Variants in RSPH14 observed in about 807,000 individuals in gnomAD.
RSPH14 encodes rhabdoid tumor deletion region gene 1.
In RSPH14, 20 loss-of-function variants were observed where a neutral mutation model predicts 26.7. The observed-to-expected ratio is 0.75, with a 90% CI of 0.53 to 1.09. The LOEUF (loss-of-function observed/expected upper bound fraction) is 1.09. Among genes scored for constraint, RSPH14 ranks in the 50% least tolerant of loss-of-function variants. RSPH14 has a pLI of 0.00. For missense variants in RSPH14, 449 were observed against 457.2 expected, an observed-to-expected ratio of 0.98 and a Z score of 0.16; for synonymous variants, 177 against 189.3, an observed-to-expected ratio of 0.93 and a Z score of 0.53.
the RSPH14 span, among the ~76,000 whole-genome samples, chr22:23,177,378 A>G: frequency 6.6e-6 from 1 of 152,156 alleles, no homozygotes; most frequent in Non-Finnish European, 1.5e-5. Flanking sequence ...CCTCCAGGCC[A>G]TGCACACATC....
intron 4 of RSPH14, among the ~76,000 whole-genome samples, chr22:23,129,396 G>A (rs926909440): frequency 3.9e-5 from 6 of 152,130 alleles, no homozygotes; most frequent in Admixed American, 6.5e-5. Context: ...GCTTCTGTTC[G>A]TGAGCTTGTC....
intron 4 of RSPH14, among the ~76,000 whole-genome samples, chr22:23,086,088 G>A (rs1275585567): frequency 2.0e-5 from 3 of 152,246 alleles, no homozygotes; most frequent in Non-Finnish European, 4.4e-5. Context: ...TACGGCGGGT[G>A]ACCCTGGCTT....
upstream of RSPH14, chr22:23,145,410 C>T (rs954663555): frequency 6.2e-7 from 1 of 1,610,064 alleles, no homozygotes; most frequent in African/African-American, 1.3e-5. Flanking sequence ...GCGCCGCTGC[C>T]AGTCCAACGC....
At chr22:23,087,389 G>C (rs976345491) in intron 4 of RSPH14, among the ~76,000 whole-genome samples, 2 of 152,138 alleles carry the variant, frequency 1.3e-5, no homozygotes, top group African/African-American at 2.4e-5. Flanking sequence ...GCTTGAGCCC[G>C]GGGGGTTGAG....
the RSPH14 span, chr22:23,156,021 G>A: frequency 7.4e-6 from 12 of 1,611,932 alleles, no homozygotes; most frequent in East Asian, 4.5e-5. Flanking sequence ...GCCTACTACC[G>A]GGGTGCCCAG....
At chr22:23,079,986 C>T (rs897889414) in intron 4 of RSPH14, among the ~76,000 whole-genome samples, 1 of 152,090 alleles carries the variant, frequency 6.6e-6, no homozygotes, top group Non-Finnish European at 1.5e-5. Context: ...AAATCAGATT[C>T]CCCACTCAAG....
intron 4 of RSPH14, among the ~76,000 whole-genome samples, chr22:23,130,477 A>AAG (rs2070327519): frequency 4.6e-5 from 1 of 21,866 alleles, no homozygotes; most frequent in Non-Finnish European, 7.2e-5. Context: ...AAAAGAAAAG[A>AAG]GAAAGAAAGA....
chr22:23,157,903 A>C, the RSPH14 span: 18 of 1,593,092 alleles, frequency 1.1e-5, no homozygotes, highest in Non-Finnish European at 1.4e-5. Flanking sequence ...CTGCCCTGGC[A>C]GTTCCTTGGG....
chr22:23,150,014 G>A, upstream of RSPH14: 1 of 1,443,286 alleles, frequency 6.9e-7, no homozygotes, highest in Non-Finnish European at 9.6e-7. Flanking sequence ...TACGAGGGCG[G>A]AGCCACAGCT....
Position 23,059,476 on chromosome 22 carries a change from C to A in RSPH14, c.1033G>T (p.Glu345Ter), listed in dbSNP as rs761628902. ...GAATGAAGGGCTCAGGGTTTGAACT[C>A]GATGACACTGATGGCGATCCGGGCT... ...RAARIAISVI[E>*]FKP The change falls in exon 7 of 7, where the codon GAG becomes TAG. Residue 345 changes from glutamate (E) to a stop codon, truncating the protein, a stop_gained. Transcript: ENST00000216036. LOFTEE classifies it high-confidence loss of function. 3.6e-5 allele frequency: 58 copies of A among 1,609,436 alleles called. No individual in the cohort carries two copies. Among genetic ancestry groups the A allele is most frequent in the Non-Finnish European group, 4.3e-5 (51 of 1,177,010 alleles).
chr22:23,080,941 C>T (rs1197016487), intron 4 of RSPH14, among the ~76,000 whole-genome samples: 1 of 152,240 alleles, frequency 6.6e-6, no homozygotes, highest in Admixed American at 6.5e-5. Context: ...GGGCAGCGGG[C>T]ACTCTCTAGA....
At chr22:23,072,214 A>T (rs1438057105) in intron 4 of RSPH14, among the ~76,000 whole-genome samples, 1 of 152,154 alleles carries the variant, frequency 6.6e-6, no homozygotes, top group Non-Finnish European at 1.5e-5. Context: ...TTCGGGGATG[A>T]TGCTTAGCTA....
chr22:23,174,674 T>TA, the RSPH14 span, among the ~76,000 whole-genome samples: 23,723 of 143,260 alleles, frequency 0.17, 3,018 homozygotes, highest in East Asian at 0.56. Flanking sequence ...AATAAAGTTG[T>TA]AAAAAAAAAA....
the RSPH14 span, among the ~76,000 whole-genome samples, chr22:23,158,332 T>G: frequency 1.3e-5 from 2 of 152,246 alleles, no homozygotes; most frequent in Admixed American, 1.3e-4. Flanking sequence ...TTTGCCATGT[T>G]GCAAGTCCGG....
intron 4 of RSPH14, among the ~76,000 whole-genome samples, chr22:23,129,852 G>A (rs1237663117): frequency 6.6e-6 from 1 of 151,396 alleles, no homozygotes; most frequent in Non-Finnish European, 1.5e-5. Context: ...CCTGGGAGGT[G>A]GAGTTTGCAG....
chr22:23,071,854 G>A lies in RSPH14; in HGVS notation c.422-7721C>T, dbSNP rs1283731766. Among the ~76,000 whole-genome samples the A allele has an allele frequency of 6.6e-6, 1 of 152,198 alleles. No homozygotes were observed. Among genetic ancestry groups the A allele is most frequent in the Non-Finnish European group, 1.5e-5 (1 of 68,030 alleles). On this transcript the variant is annotated intron_variant, in intron 4 of 6. Coordinates refer to ENST00000216036, the MANE Select transcript of RSPH14 (RefSeq NM_014433.3). The surrounding 1 kb of genome is among the most constrained non-coding windows in gnomAD (Gnocchi z 4.1). Reference sequence around the variant, plus strand: ...GGCAGAGAGGAGAGAATAGACCGAGGCACTTGGGCAGTTAGGTCTGATGGG... The same window carrying A: ...GGCAGAGAGGAGAGAATAGACCGAGACACTTGGGCAGTTAGGTCTGATGGG...
intron 4 of RSPH14, among the ~76,000 whole-genome samples, chr22:23,089,725 C>G (rs180941821): frequency 1.4e-3 from 212 of 152,260 alleles, no homozygotes; most frequent in African/African-American, 4.9e-3. Context: ...CATGTGTGGG[C>G]TGAAGGATCT....
intron 4 of RSPH14, among the ~76,000 whole-genome samples, chr22:23,122,896 G>A (rs2070072409): frequency 6.6e-6 from 1 of 152,238 alleles, no homozygotes; most frequent in African/African-American, 2.4e-5. Context: ...CAAGGAGGGT[G>A]CTGCCGGCTA....
chr22:23,135,095 T>C (rs1273494669), intron 3 of RSPH14, among the ~76,000 whole-genome samples: 2 of 152,004 alleles, frequency 1.3e-5, no homozygotes, highest in Admixed American at 1.3e-4. Flanking sequence ...CGTTTGAGCC[T>C]AGGAGTTTAA....
Sources: gnomAD v4.1 joint callset for allele counts (sites outside exome capture counted in the v4.1 genomes callset) on GRCh38, gnomAD v4.1.1 for gene constraint, Gnocchi (gnomAD v3.1) non-coding constraint, MANE v1.5 for transcripts, NCBI Gene and HGNC (gene_info 2026-07-23, HGNC 2026-07-21) for gene names.